The following WIPI2 variants were observed in gnomAD, a reference collection of about 807,000 sequenced individuals.
The protein encoded by WIPI2 is WD repeat domain phosphoinositide-interacting protein 2.
WIPI2 carries 28 observed loss-of-function variants against 52.3 expected under a neutral mutation model. The ratio of observed to expected loss-of-function variants is 0.54; its 90% CI spans 0.40 to 0.73. The LOEUF (loss-of-function observed/expected upper bound fraction) is 0.73, where lower values mean the gene tolerates loss of function less well. Among genes scored for constraint, WIPI2 ranks in the 30% least tolerant of loss-of-function variants. WIPI2 has a pLI of 0.00. For synonymous variants in WIPI2, 268 were observed against 245.0 expected (o/e 1.09, Z -0.88); for missense variants, 506 against 602.9 (o/e 0.84, Z 1.68).
intron 2 of WIPI2, among the ~76,000 whole-genome samples, chr7:5,198,675 C>T (rs1042512168): frequency 6.6e-6 from 1 of 152,172 alleles, no homozygotes; most frequent in Non-Finnish European, 1.5e-5. Context: ...ACTTGAGAAA[C>T]CTCAGTTTGT....
chr7:5,197,516 G>C (rs1051277314), intron 2 of WIPI2, among the ~76,000 whole-genome samples: 3 of 152,118 alleles, frequency 2.0e-5, no homozygotes, highest in African/African-American at 7.2e-5. Context: ...AACTAATTCA[G>C]TATAGTAAAG....
chr7:5,221,462 T>G (rs1783125747), intron 7 of WIPI2, among the ~76,000 whole-genome samples: 1 of 152,270 alleles, frequency 6.6e-6, no homozygotes, highest in Non-Finnish European at 1.5e-5. Flanking sequence ...TAATTCTTCC[T>G]GCCCTGCAAA....
At chr7:5,195,867 C>T (rs1781723061) in intron 2 of WIPI2, among the ~76,000 whole-genome samples, 1 of 151,732 alleles carries the variant, frequency 6.6e-6, no homozygotes, top group Non-Finnish European at 1.5e-5. Context: ...GGTGAAACTC[C>T]ATCTCTACTA....
At chr7:5,214,791 G>A (rs1046917881) in intron 4 of WIPI2, 87 bp downstream of exon 4, 34 of 1,477,172 alleles carry the variant, frequency 2.3e-5, no homozygotes, top group Middle Eastern at 1.7e-4. Context: ...ATGCCCCTCC[G>A]TCATTCCCTT....
chr7:5,214,252 A>G, intron 3 of WIPI2: 2 of 1,374,314 alleles, frequency 1.5e-6, no homozygotes, highest in South Asian at 2.9e-5. Flanking sequence ...TCCTAAACTC[A>G]CCATTCAAAT....
At chr7:5,196,163 A>C (rs1230259933) in intron 2 of WIPI2, among the ~76,000 whole-genome samples, 1 of 152,016 alleles carries the variant, frequency 6.6e-6, no homozygotes, top group Non-Finnish European at 1.5e-5. Context: ...AACATGGTGA[A>C]ACCCCATCTC....
At position 5,225,875 on chromosome 7, in the gene WIPI2, G is replaced by A. The variant is rs370098440; in HGVS notation, c.793G>A (p.Ala265Thr). ...CAGCATGGACGGCATGTTCCTCTCC[G>A]CCTCCAGCAACACTGAGACCGTGCA... Reference protein sequence around the residue: ...AFSMDGMFLSASSNTETVHIF... With the variant: ...AFSMDGMFLSTSSNTETVHIF... The change falls in exon 9 of 13, where the codon GCC (alanine) becomes ACC (threonine). Residue 265 changes from alanine to threonine, a missense_variant. Transcript: ENST00000288828. 80 of 1,613,674 alleles carry A rather than the reference G, an allele frequency of 5.0e-5. No individual in the cohort carries two copies. Among genetic ancestry groups the A allele is most frequent in the Non-Finnish European group, 6.3e-5 (74 of 1,179,974 alleles).
At chr7:5,217,693 T>G (rs1782889915) in intron 6 of WIPI2, 1 of 546,100 alleles carries the variant, frequency 1.8e-6, no homozygotes, top group Non-Finnish European at 3.3e-6. Context: ...GCCACGGGAA[T>G]GTTTGAAGGA....
rs768451400 is a variant in WIPI2 at position 5,217,074 on chromosome 7, C to T, written c.479-16C>T. The T allele has an allele frequency of 8.1e-6, 13 of 1,601,108 alleles. No homozygotes were observed. The highest frequency in any genetic ancestry group is 3.3e-5 in the South Asian group (3 of 90,694). ...AGGTGGAAGTTTGCATCTCGTCCTCCGTGTGTCATTTGCAGGCCTGTGTGC... is the reference window on the plus strand; with the variant it reads ...AGGTGGAAGTTTGCATCTCGTCCTCTGTGTGTCATTTGCAGGCCTGTGTGC... On this transcript the variant is annotated splice_polypyrimidine_tract_variant and intron_variant, in intron 5 of 12. Coordinates refer to ENST00000288828, the MANE Select transcript of WIPI2 (RefSeq NM_015610.4).
rs951319027 is a variant in WIPI2, at chr7:5,222,780, C to T, written c.740+108C>T. 34 of 1,097,162 alleles carry T rather than the reference C, an allele frequency of 3.1e-5. No individual in the cohort carries two copies. The African/African-American group carries it at 4.6e-4, about 15-fold the overall frequency. The allele number at this position is 1,097,162 out of a possible 1,614,324, so 68.0% of individuals were successfully genotyped here. On this transcript the variant is annotated intron_variant, in intron 8 of 12. Coordinates refer to ENST00000288828, the MANE Select transcript of WIPI2 (RefSeq NM_015610.4). The stretch of plus-strand genomic sequence containing the variant: ...AACCCCCAGGAGAATTCCACACGAG[C>T]ATTTCTAGCCCGGCTGGGTCACCGG...
At chr7:5,191,877 G>A (rs945604905) in intron 1 of WIPI2, among the ~76,000 whole-genome samples, 2 of 152,166 alleles carry the variant, frequency 1.3e-5, no homozygotes, top group Non-Finnish European at 2.9e-5. Context: ...GTCGCACAGT[G>A]GGACTGTATT....
intron 3 of WIPI2, among the ~76,000 whole-genome samples, chr7:5,212,893 AAG>A (rs1782626759): frequency 1.3e-5 from 2 of 152,352 alleles, no homozygotes; most frequent in East Asian, 1.9e-4. Context: ...TCCTGAGGGA[AAG>A]AGGGGACTGG....
At chr7:5,203,386 A>G (rs146959184) in intron 3 of WIPI2, among the ~76,000 whole-genome samples, 1 of 152,306 alleles carries the variant, frequency 6.6e-6, no homozygotes, top group Non-Finnish European at 1.5e-5. Context: ...CAGTTATTTC[A>G]TGGCCTCATT....
At chr7:5,225,669 C>G (rs1040659084) in intron 8 of WIPI2, among the ~76,000 whole-genome samples, 154 bp from the exon 9 acceptor site, 3 of 152,150 alleles carry the variant, frequency 2.0e-5, no homozygotes, top group African/African-American at 7.2e-5. Context: ...TTTCCTCTCT[C>G]AAGGAAAATG....
intron 3 of WIPI2, among the ~76,000 whole-genome samples, chr7:5,206,061 G>T (rs910171350): frequency 6.6e-6 from 1 of 151,762 alleles, no homozygotes; most frequent in Non-Finnish European, 1.5e-5. Context: ...CTGAAGTCTT[G>T]AATTTCTATG....
At chr7:5,220,401 C>G (rs1275213667) in intron 7 of WIPI2, among the ~76,000 whole-genome samples, 2 of 152,008 alleles carry the variant, frequency 1.3e-5, no homozygotes, top group South Asian at 2.1e-4. Flanking sequence ...CGCCACCACA[C>G]CCAGCTAATT....
intron 3 of WIPI2, among the ~76,000 whole-genome samples, chr7:5,205,408 A>C (rs537511636): frequency 2.5e-4 from 38 of 152,284 alleles, no homozygotes; most frequent in African/African-American, 9.1e-4. Flanking sequence ...AGAGTTATAG[A>C]TCTATCTCCC....
At position 5,217,925 on chromosome 7, in the gene WIPI2, G is replaced by T; in HGVS notation, c.580G>T (p.Ala194Ser). ...VQVFDTINLRAANMIPAHDSP... is the reference protein window; with the variant it reads ...VQVFDTINLRSANMIPAHDSP... ...TTTATTGGTGTCCCTTTTTCAGAGA[G>T]CTGCAAACATGATTCCGGCTCACGA... Residue 194 changes from alanine to serine, a missense_variant, in exon 7 of 13, where the codon GCT (alanine) becomes TCT (serine). Coordinates refer to ENST00000288828, the MANE Select transcript of WIPI2 (RefSeq NM_015610.4). 1 of 1,614,188 alleles carries T rather than the reference G, an allele frequency of 6.2e-7. No individual in the cohort carries two copies. Among genetic ancestry groups the T allele is most frequent in the Non-Finnish European group, 8.5e-7 (1 of 1,180,004 alleles).
intron 7 of WIPI2, chr7:5,218,881 C>T (rs913941387): frequency 5.3e-5 from 8 of 152,142 alleles, no homozygotes; most frequent in African/African-American, 9.7e-5. Flanking sequence ...CCGTTTTCTC[C>T]GCTCTTCATT....
Sources: gnomAD v4.1 joint callset for allele counts (sites outside exome capture counted in the v4.1 genomes callset) on GRCh38, gnomAD v4.1.1 for gene constraint, MANE v1.5 for transcripts, NCBI Gene and HGNC (gene_info 2026-07-23, HGNC 2026-07-21) for gene names.